Variants in ZSCAN4 observed in about 807,000 individuals in gnomAD.
ZSCAN4 encodes the protein zinc finger and SCAN domain containing 4, also known as zinc finger and SCAN domain-containing protein 4.
A neutral mutation model predicts 18.3 loss-of-function variants in ZSCAN4; 18 were observed. That is an observed-to-expected ratio of 0.98 (90% CI 0.68 to 1.46). The LOEUF is 1.46. Ranked by LOEUF, ZSCAN4 falls within the 40% of genes most tolerant of loss-of-function variation. ZSCAN4 has a pLI of 0.00. For synonymous variants in ZSCAN4, 193 were observed against 180.3 expected (o/e 1.07, Z -0.57); for missense variants, 498 against 511.4 (o/e 0.97, Z 0.25).
intron 2 of ZSCAN4, among the ~76,000 whole-genome samples, chr19:57,675,541 C>T (rs1452626223): frequency 6.6e-6 from 1 of 152,178 alleles, no homozygotes; most frequent in Non-Finnish European, 1.5e-5. Context: ...CTCGGCCTCC[C>T]ACAGTTCTGG....
chr19:57,663,054 C>A, the ZSCAN4 span, among the ~76,000 whole-genome samples: 188 of 147,422 alleles, frequency 1.3e-3, 2 homozygotes, highest in African/African-American at 4.6e-3. Context: ...TACGGACGTA[C>A]CACCACTTCC....
the ZSCAN4 span, among the ~76,000 whole-genome samples, chr19:57,663,636 G>A: frequency 1.3e-5 from 2 of 148,786 alleles, no homozygotes; most frequent in African/African-American, 5.0e-5. Context: ...GAGCCTGGGA[G>A]GCAAAGGTTG....
At chr19:57,654,495 C>A in the ZSCAN4 span, among the ~76,000 whole-genome samples, 1 of 152,158 alleles carries the variant, frequency 6.6e-6, no homozygotes, top group Non-Finnish European at 1.5e-5. Context: ...CTTAGCCCAG[C>A]TGGCCTCAGA....
chr19:57,673,172 C>T (rs1038940428), intron 2 of ZSCAN4, among the ~76,000 whole-genome samples: 1 of 152,050 alleles, frequency 6.6e-6, no homozygotes, highest in Non-Finnish European at 1.5e-5. Flanking sequence ...CCTCAGCCTA[C>T]CGAGTAGCTG....
intron 2 of ZSCAN4, among the ~76,000 whole-genome samples, chr19:57,675,681 A>T (rs1179873378): frequency 2.6e-5 from 4 of 152,194 alleles, no homozygotes. Context: ...TGATTTTATT[A>T]TGTTCTTGTA....
At chr19:57,662,404 T>C in the ZSCAN4 span, among the ~76,000 whole-genome samples, 1 of 152,178 alleles carries the variant, frequency 6.6e-6, no homozygotes, top group Admixed American at 6.5e-5. Flanking sequence ...TGTATTTAAA[T>C]ATCTTATTTA....
At chr19:57,654,552 A>G in the ZSCAN4 span, among the ~76,000 whole-genome samples, 1 of 152,102 alleles carries the variant, frequency 6.6e-6, no homozygotes, top group African/African-American at 2.4e-5. Flanking sequence ...CAAATTCTCA[A>G]GCCTGTTAAA....
the ZSCAN4 span, among the ~76,000 whole-genome samples, chr19:57,655,935 G>A: frequency 3.3e-5 from 5 of 151,874 alleles, no homozygotes; most frequent in South Asian, 2.1e-4. Context: ...CAATACTGTC[G>A]CATCCCCTAC....
chr19:57,673,414 T>C (rs1485766608), intron 2 of ZSCAN4, among the ~76,000 whole-genome samples: 1 of 152,154 alleles, frequency 6.6e-6, no homozygotes, highest in Non-Finnish European at 1.5e-5. Flanking sequence ...GAGCAGTCAC[T>C]TGAGTCCAGG....
chr19:57,669,883 G>T (rs1438097574), intron 1 of ZSCAN4, among the ~76,000 whole-genome samples: 1 of 151,796 alleles, frequency 6.6e-6, no homozygotes, highest in East Asian at 1.9e-4. Flanking sequence ...ATTATTTTTG[G>T]TAGAGACAGG....
the ZSCAN4 span, among the ~76,000 whole-genome samples, chr19:57,662,567 G>A: frequency 6.6e-6 from 1 of 151,878 alleles, no homozygotes; most frequent in Admixed American, 6.6e-5. Flanking sequence ...TTGTTTGTCT[G>A]TTTTTGTTTT....
rs141348032 is a variant in ZSCAN4, at chr19:57,678,391, T to C, written c.788T>C (p.Phe263Ser). ...GAAGGGTCCATAAATGGAATCACTT[T>C]CCAAGGTGTCCCTATGGTGATGGGA... is the stretch of plus-strand genomic sequence containing the variant. Residue 263 changes from phenylalanine to serine, a missense_variant, in exon 5 of 5, where the codon TTC (phenylalanine) becomes TCC (serine). By Grantham distance (155) the Phe-to-Ser change is radical. Coordinates refer to ENST00000318203, the Ensembl canonical transcript of ZSCAN4. 106 of 1,613,988 alleles carry C rather than the reference T, an allele frequency of 6.6e-5. No individual in the cohort carries two copies. Among genetic ancestry groups the C allele is most frequent in the Non-Finnish European group, 8.5e-5 (100 of 1,180,026 alleles).
At chr19:57,673,460 G>A (rs1984083834) in intron 2 of ZSCAN4, among the ~76,000 whole-genome samples, 1 of 152,114 alleles carries the variant, frequency 6.6e-6, no homozygotes, top group Non-Finnish European at 1.5e-5. Context: ...GCGAGACCAA[G>A]TCTCGAAAAG....
chr19:57,662,096 AAAAG>A, the ZSCAN4 span, among the ~76,000 whole-genome samples: 1 of 145,864 alleles, frequency 6.9e-6, no homozygotes, highest in Non-Finnish European at 1.5e-5. Flanking sequence ...AAAAAAAAGG[AAAAG>A]AAAAAAAGAA....
upstream of ZSCAN4, among the ~76,000 whole-genome samples, chr19:57,668,327 G>C (rs1253929669): frequency 2.6e-5 from 4 of 151,914 alleles, no homozygotes; most frequent in Non-Finnish European, 5.9e-5. Flanking sequence ...ATTGGCTCTT[G>C]ATGGGAGCAG....
chr19:57,668,575 C>T (rs377715128), upstream of ZSCAN4, among the ~76,000 whole-genome samples: 366 of 152,250 alleles, frequency 2.4e-3, 3 homozygotes, highest in African/African-American at 8.1e-3. Context: ...CTGTAATTAG[C>T]TCCCACCCCT....
chr19:57,661,889 C>G, the ZSCAN4 span, among the ~76,000 whole-genome samples: 2 of 152,032 alleles, frequency 1.3e-5, no homozygotes, highest in Non-Finnish European at 2.9e-5. Flanking sequence ...CAAGACCAGC[C>G]TGGCCAACAT....
the ZSCAN4 span, among the ~76,000 whole-genome samples, chr19:57,658,765 C>G: frequency 1.1e-4 from 15 of 142,738 alleles, no homozygotes; most frequent in Non-Finnish European, 1.9e-4. Context: ...ACCCAGAAGA[C>G]AGAAGTTGCA....
At chr19:57,654,143 C>T in the ZSCAN4 span, among the ~76,000 whole-genome samples, 1 of 152,168 alleles carries the variant, frequency 6.6e-6, no homozygotes, top group African/African-American at 2.4e-5. Flanking sequence ...GGAATACCCT[C>T]TAAACATAAA....
Sources: gnomAD v4.1 joint callset for allele counts (sites outside exome capture counted in the v4.1 genomes callset) on GRCh38, gnomAD v4.1.1 for gene constraint, MANE v1.5 for transcripts, NCBI Gene and HGNC (gene_info 2026-07-23, HGNC 2026-07-21) for gene names.